Variants in NAA25 observed in about 807,000 individuals in gnomAD.
NAA25 encodes N-alpha-acetyltransferase 25, NatB auxiliary subunit, also known as N-terminal acetyltransferase B complex subunit NAA25.
Under a neutral mutation model 132.5 loss-of-function variants are expected in NAA25, and 30 were observed. That is an observed-to-expected ratio of 0.23 (90% CI 0.17 to 0.31). The LOEUF (loss-of-function observed/expected upper bound fraction) is 0.31, where lower values mean the gene tolerates loss of function less well. Ranked by LOEUF, NAA25 falls within the 10% of genes least tolerant of loss-of-function variation. The pLI is 1.00. For missense variants in NAA25, 771 were observed against 1,150.4 expected (o/e 0.67, Z 4.77); for synonymous variants, 359 against 401.9 (o/e 0.89, Z 1.28).
At chr12:112,092,473 C>T (rs1258213125) in intron 2 of NAA25, among the ~76,000 whole-genome samples, 1 of 151,798 alleles carries the variant, frequency 6.6e-6, no homozygotes, top group South Asian at 2.1e-4. Flanking sequence ...AAAAAATATA[C>T]AAAATTAGCT....
At chr12:112,075,570 A>T in intron 8 of NAA25, 108 bp downstream of exon 8, 1 of 842,886 alleles carries the variant, frequency 1.2e-6, no homozygotes, top group Non-Finnish European at 1.9e-6. Context: ...AACTACTATA[A>T]GAAGACTTTA....
At chr12:112,030,312 T>A (rs1239716858) in intron 23 of NAA25, among the ~76,000 whole-genome samples, 1 of 150,160 alleles carries the variant, frequency 6.7e-6, no homozygotes, top group South Asian at 2.1e-4. Context: ...AGTTTGGACA[T>A]AAAATCCCTA....
At chr12:112,096,481 T>C (rs2079214434) in intron 1 of NAA25, among the ~76,000 whole-genome samples, 1 of 152,166 alleles carries the variant, frequency 6.6e-6, no homozygotes, top group Non-Finnish European at 1.5e-5. Context: ...AATGCATGAG[T>C]TCAATGCACT....
At chr12:112,037,103 C>T (rs569462007) in intron 22 of NAA25, among the ~76,000 whole-genome samples, 12 of 151,362 alleles carry the variant, frequency 7.9e-5, no homozygotes, top group Admixed American at 2.0e-4. Flanking sequence ...TTCCAGAAAG[C>T]GCCCTAAAAC....
At chr12:112,046,816 T>C (rs1484098634) in intron 17 of NAA25, among the ~76,000 whole-genome samples, 1 of 152,222 alleles carries the variant, frequency 6.6e-6, no homozygotes, top group Non-Finnish European at 1.5e-5. Context: ...TATTGACTTA[T>C]TAAGAGTTCT....
At chr12:112,030,805 A>T (rs1427916552) in intron 23 of NAA25, among the ~76,000 whole-genome samples, 1 of 152,252 alleles carries the variant, frequency 6.6e-6, no homozygotes. Context: ...TCGGTAACAT[A>T]TGTAAAAGCA....
intron 1 of NAA25, among the ~76,000 whole-genome samples, chr12:112,102,194 A>T (rs536796711): frequency 7.2e-5 from 11 of 152,068 alleles, no homozygotes; most frequent in Non-Finnish European, 1.6e-4. Flanking sequence ...TCCATCTCAA[A>T]AAAATAAAAT....
At position 112,084,576 on chromosome 12, in the gene NAA25, G is replaced by T. The variant is rs2079017521; in HGVS notation, c.402+3107C>A. On this transcript the variant is annotated intron_variant, in intron 4 of 23. Coordinates refer to ENST00000261745, the MANE Select transcript of NAA25 (RefSeq NM_024953.4). Reference sequence around the variant, plus strand: ...GAGGCCAAGGTGGGCGGACCATGAGGTCAAGAGATCGAGACCAGCCTGGCC... The same window carrying T: ...GAGGCCAAGGTGGGCGGACCATGAGTTCAAGAGATCGAGACCAGCCTGGCC... Among the ~76,000 whole-genome samples, 3 of 151,288 alleles carry T rather than the reference G, an allele frequency of 2.0e-5. No homozygotes were observed. The South Asian group carries it at 6.2e-4, about 31-fold the overall frequency.
intron 2 of NAA25, among the ~76,000 whole-genome samples, chr12:112,092,334 C>T (rs1194761731): frequency 6.6e-6 from 1 of 151,560 alleles, no homozygotes; most frequent in Admixed American, 6.6e-5. Context: ...GAAAAAAACA[C>T]AAATAGTCAG....
chr12:112,057,075 C>T (rs1220069051), intron 13 of NAA25, among the ~76,000 whole-genome samples: 1 of 152,138 alleles, frequency 6.6e-6, no homozygotes, highest in Admixed American at 6.5e-5. Flanking sequence ...GTAATCCCAG[C>T]TAGTCAGGAG....
At position 112,048,572 on chromosome 12, in the gene NAA25, C is replaced by G. The variant is rs923443824; in HGVS notation, c.1729-129G>C. On this transcript the variant is annotated intron_variant, in intron 15 of 23. Coordinates refer to ENST00000261745, the MANE Select transcript of NAA25 (RefSeq NM_024953.4). Reference sequence around the variant, plus strand: ...AAATCTAATCTTTAAAGGTCTTGGTCACCAAGTAGAATATTAGCTTTTTAA... The same window carrying G: ...AAATCTAATCTTTAAAGGTCTTGGTGACCAAGTAGAATATTAGCTTTTTAA... 4 of 725,256 alleles carry G rather than the reference C, an allele frequency of 5.5e-6. No homozygotes were observed. The African/African-American group carries it at 7.1e-5, about 13-fold the overall frequency. 44.9% of individuals were successfully genotyped at this position (725,256 alleles called of 1,614,324 possible).
chr12:112,066,726 T>C (rs1252648151), intron 11 of NAA25, among the ~76,000 whole-genome samples: 1 of 152,190 alleles, frequency 6.6e-6, no homozygotes, highest in Non-Finnish European at 1.5e-5. Flanking sequence ...AACAGAGCTT[T>C]ACTAAACCAA....
At chr12:112,106,442 C>A (rs2079362621) in intron 1 of NAA25, among the ~76,000 whole-genome samples, 1 of 151,802 alleles carries the variant, frequency 6.6e-6, no homozygotes, top group Non-Finnish European at 1.5e-5. Context: ...TAATGAGTCA[C>A]AAACTATGAA....
At chr12:112,092,917 C>A (rs1458345305) in intron 2 of NAA25, 134 bp downstream of exon 2, 2 of 512,076 alleles carry the variant, frequency 3.9e-6, no homozygotes, top group Non-Finnish European at 6.9e-6. Flanking sequence ...ACATCGTGAT[C>A]CGCTTGCCTC....
chr12:112,062,726 T>TAA (rs756621929), intron 11 of NAA25, among the ~76,000 whole-genome samples: 4 of 138,188 alleles, frequency 2.9e-5, no homozygotes, highest in Admixed American at 1.4e-4. Flanking sequence ...AACTCCGTAT[T>TAA]AAAAAAAAAA....
In NAA25 at chr12:112,068,924, G is replaced by A; in HGVS notation, c.1105C>T (p.Leu369Phe). The A allele has an allele frequency of 6.2e-7, 1 of 1,613,378 alleles. No individual in the cohort carries two copies. Among genetic ancestry groups the A allele is most frequent in the Non-Finnish European group, 8.5e-7 (1 of 1,179,510 alleles). The stretch of plus-strand genomic sequence containing the variant: ...GGTAAGAGGTCAACAAACACCTTAA[G>A]GTCTGTAAAACAACAAGGTTTATCG... ...FGDKPCCFTD[L>F]KVFVDLLPAT... The change falls in exon 11 of 24, where the codon CTT (leucine) becomes TTT (phenylalanine). Residue 369 changes from leucine to phenylalanine, a missense_variant. Coordinates refer to ENST00000261745, the MANE Select transcript of NAA25 (RefSeq NM_024953.4).
rs1019530851 is a variant in NAA25 at position 112,105,464 on chromosome 12, C to T, written c.58+3252G>A. Reference sequence around the variant, plus strand: ...GGTCATGGGTGGAGGTTTTCAAAAACGAAAAATGCAATACCCAAACTTATT... The same window carrying T: ...GGTCATGGGTGGAGGTTTTCAAAAATGAAAAATGCAATACCCAAACTTATT... On this transcript the variant is annotated intron_variant, in intron 1 of 23. Coordinates refer to ENST00000261745, the MANE Select transcript of NAA25 (RefSeq NM_024953.4). 6.6e-5 allele frequency among the ~76,000 whole-genome samples: 10 copies of T among 152,062 alleles called. 1 individual carries two copies. The highest frequency in any genetic ancestry group is 1.0e-4 in the Non-Finnish European group (7 of 67,998).
chr12:112,036,840 C>CA lies in NAA25; in HGVS notation c.2649+2388dup, dbSNP rs1160066916. Among the ~76,000 whole-genome samples, 589 of 95,368 alleles carry CA rather than the reference C, an allele frequency of 6.2e-3. 18 individuals are homozygous for CA. The East Asian group carries it at 0.11, about 17-fold the overall frequency. The allele number at this position is 95,368 out of a possible 152,430, so 62.6% of individuals were successfully genotyped here. ...TGGGCAACAGAGCAAGACTCCATCTCAAAAAAAAAAAAAAAAGTACGTAAA... is the reference window on the plus strand; with the variant it reads ...TGGGCAACAGAGCAAGACTCCATCTCAAAAAAAAAAAAAAAAAGTACGTAAA... On this transcript the variant is annotated intron_variant, in intron 22 of 23. Coordinates refer to ENST00000261745, the MANE Select transcript of NAA25 (RefSeq NM_024953.4).
chr12:112,038,580 T>A (rs2078258405), intron 22 of NAA25, among the ~76,000 whole-genome samples: 1 of 152,082 alleles, frequency 6.6e-6, no homozygotes, highest in Non-Finnish European at 1.5e-5. Context: ...TATAATTTAA[T>A]TTTTTTTAAG....
Sources: allele counts gnomAD v4.1 joint callset (sites outside exome capture counted in the v4.1 genomes callset), GRCh38; gene constraint gnomAD v4.1.1; transcripts MANE v1.5; gene names NCBI Gene and HGNC (gene_info 2026-07-23, HGNC 2026-07-21).